The following FRK variants were observed in gnomAD, a reference collection of about 807,000 sequenced individuals.
FRK encodes the protein fyn related Src family tyrosine kinase.
A neutral mutation model predicts 56.4 loss-of-function variants in FRK; 51 were observed. That is an observed-to-expected ratio of 0.90 (90% CI 0.72 to 1.14). FRK has a LOEUF of 1.14. Among genes scored for constraint, FRK ranks in the 50% most tolerant of loss-of-function variants. FRK has a pLI of 0.00. For synonymous variants in FRK, 245 were observed against 217.9 expected (o/e 1.12, Z -1.10); for missense variants, 570 against 601.4 (o/e 0.95, Z 0.55).
the FRK span, among the ~76,000 whole-genome samples, chr6:116,092,070 G>A: frequency 1.3e-5 from 2 of 152,038 alleles, no homozygotes; most frequent in Admixed American, 6.5e-5. Context: ...CCCTGTCTCT[G>A]GTGCTTTTCT....
chr6:115,951,053 A>G (rs1290469215), intron 5 of FRK, among the ~76,000 whole-genome samples: 1 of 152,216 alleles, frequency 6.6e-6, no homozygotes, highest in Non-Finnish European at 1.5e-5. Context: ...CAGCATTAGG[A>G]GAAATACCTA....
intron 1 of FRK, among the ~76,000 whole-genome samples, chr6:116,027,927 G>A (rs1776155555): frequency 6.6e-6 from 1 of 152,008 alleles, no homozygotes; most frequent in South Asian, 2.1e-4. Flanking sequence ...GACAAAGTCA[G>A]GGTTCAGAGG....
At chr6:116,079,777 A>G in the FRK span, among the ~76,000 whole-genome samples, 3 of 152,040 alleles carry the variant, frequency 2.0e-5, no homozygotes, top group Admixed American at 6.6e-5. Flanking sequence ...GGGTCTTACT[A>G]TGTTGCCCAG....
At chr6:116,042,041 G>A (rs538888226) in intron 1 of FRK, among the ~76,000 whole-genome samples, 1 of 152,278 alleles carries the variant, frequency 6.6e-6, no homozygotes, top group Non-Finnish European at 1.5e-5. Flanking sequence ...AGTCTACCTG[G>A]GACACTAGAG....
chr6:116,039,051 A>C, intron 1 of FRK: 1 of 758,672 alleles, frequency 1.3e-6, no homozygotes, highest in Admixed American at 1.7e-5. Context: ...GAGAGTAGGC[A>C]TGTCTTTGGG....
At chr6:116,005,766 A>G (rs1216754388) in intron 1 of FRK, among the ~76,000 whole-genome samples, 3 of 152,228 alleles carry the variant, frequency 2.0e-5, no homozygotes, top group Non-Finnish European at 4.4e-5. Flanking sequence ...TGAACATAGT[A>G]AAAAACTGAT....
At position 116,060,534 on chromosome 6, in the gene FRK, C is replaced by T. The variant is rs375759272; in HGVS notation, c.-223G>A. On this transcript the variant is annotated 5_prime_UTR_variant, in exon 1 of 8. Transcript: ENST00000606080. Reference sequence around the variant, plus strand: ...CTTTCTGTGGCTGGAGGTGCTACCCCGAGGCAAAACTGAGCAGGAGCTGGG... The same window carrying T: ...CTTTCTGTGGCTGGAGGTGCTACCCTGAGGCAAAACTGAGCAGGAGCTGGG... 35 of 505,358 alleles carry T rather than the reference C, an allele frequency of 6.9e-5. No individual in the cohort carries two copies. The highest frequency in any genetic ancestry group is 5.5e-4 in the African/African-American group (29 of 52,450). 31.3% of individuals were successfully genotyped at this position (505,358 alleles called of 1,614,324 possible).
At chr6:115,945,982 CA>C (rs371783916) in intron 5 of FRK, among the ~76,000 whole-genome samples, 1 of 152,184 alleles carries the variant, frequency 6.6e-6, no homozygotes, top group African/African-American at 2.4e-5. Context: ...TATTTGTACA[CA>C]AAATAATACT....
In FRK at chr6:115,933,894, G is replaced by A. The variant is rs753126640; in HGVS notation, c.*8520C>T. 1 of 152,090 alleles carries A rather than the reference G, an allele frequency of 6.6e-6. No individual in the cohort carries two copies. The highest frequency in any genetic ancestry group is 1.5e-5 in the Non-Finnish European group (1 of 67,974). The allele number at this position is 152,090 out of a possible 1,614,324, so 9.4% of individuals were successfully genotyped here. A position where few individuals can be genotyped will look rare whatever the true frequency, so the allele number is the denominator to read the frequency against. On this transcript the variant is annotated 3_prime_UTR_variant, in exon 8 of 8. Coordinates refer to ENST00000606080, the MANE Select transcript of FRK (RefSeq NM_002031.3). The stretch of plus-strand genomic sequence containing the variant: ...GTGTTGATCTTATCTTAGAAATACT[G>A]TTTATAAAGGAATCAAGGGGTTCTA...
chr6:116,005,317 G>T (rs886798859), intron 1 of FRK, among the ~76,000 whole-genome samples: 1 of 152,158 alleles, frequency 6.6e-6, no homozygotes, highest in Non-Finnish European at 1.5e-5. Flanking sequence ...GGTCTATTAA[G>T]GTACTCAAGG....
chr6:116,041,692 C>T (rs1445657815), intron 1 of FRK, among the ~76,000 whole-genome samples: 1 of 152,124 alleles, frequency 6.6e-6, no homozygotes, highest in Non-Finnish European at 1.5e-5. Context: ...GGGACTATGC[C>T]GTGAGGAACG....
At chr6:116,065,970 A>G in the FRK span, among the ~76,000 whole-genome samples, 1 of 152,192 alleles carries the variant, frequency 6.6e-6, no homozygotes, top group Non-Finnish European at 1.5e-5. Context: ...TCTCTGTATC[A>G]CAAGGAAAAT....
At chr6:116,033,195 A>G (rs1023834072) in intron 1 of FRK, among the ~76,000 whole-genome samples, 7 of 152,130 alleles carry the variant, frequency 4.6e-5, no homozygotes, top group Non-Finnish European at 7.4e-5. Flanking sequence ...AAACATCAGC[A>G]CAAGCTAATT....
At chr6:115,949,505 A>G (rs564282795) in intron 5 of FRK, among the ~76,000 whole-genome samples, 2 of 152,306 alleles carry the variant, frequency 1.3e-5, no homozygotes, top group African/African-American at 2.4e-5. Flanking sequence ...AAAGAGAACT[A>G]CAAACCACTG....
At chr6:115,966,071 AAAG>A (rs1168570637) in intron 4 of FRK, among the ~76,000 whole-genome samples, 3 of 34,320 alleles carry the variant, frequency 8.7e-5, no homozygotes, top group Non-Finnish European at 1.2e-4. Context: ...TTAAAAAAAA[AAAG>A]AAATACTTAA....
At chr6:116,011,655 T>C (rs368058542) in intron 1 of FRK, among the ~76,000 whole-genome samples, 1 of 152,198 alleles carries the variant, frequency 6.6e-6, no homozygotes, top group African/African-American at 2.4e-5. Flanking sequence ...ATTGTCCTCA[T>C]GAATGTGACT....
rs1438210698 is a variant in FRK at position 115,934,875 on chromosome 6, CA to C, written c.*7538del. 3.3e-5 allele frequency: 5 copies of C among 150,156 alleles called. No homozygotes were observed. The highest frequency in any genetic ancestry group is 1.2e-4 in the African/African-American group (5 of 40,690). 9.3% of individuals were successfully genotyped at this position (150,156 alleles called of 1,614,324 possible). A position where few individuals can be genotyped will look rare whatever the true frequency, so the allele number is the denominator to read the frequency against. The stretch of plus-strand genomic sequence containing the variant: ...TTGATACATGCATTGTTTAAAAAAA[CA>C]ATAACTTTGTTACAAAGTTTAATTC... On this transcript the variant is annotated 3_prime_UTR_variant, in exon 8 of 8. Transcript: ENST00000606080.
chr6:115,969,776 G>C (rs1360312826), intron 2 of FRK, among the ~76,000 whole-genome samples: 2 of 152,196 alleles, frequency 1.3e-5, no homozygotes, highest in African/African-American at 4.8e-5. Flanking sequence ...AAGCAGCCCA[G>C]TGGGAGGCAG....
chr6:116,074,195 A>G, the FRK span, among the ~76,000 whole-genome samples: 1 of 152,214 alleles, frequency 6.6e-6, no homozygotes, highest in Non-Finnish European at 1.5e-5. Context: ...GTTATATCCT[A>G]AAGCTAAAAC....
Sources: allele counts gnomAD v4.1 joint callset (sites outside exome capture counted in the v4.1 genomes callset), GRCh38; gene constraint gnomAD v4.1.1; transcripts MANE v1.5; gene names NCBI Gene and HGNC (gene_info 2026-07-23, HGNC 2026-07-21).